The following KCNE3 variants were observed in gnomAD, a reference collection of about 807,000 sequenced individuals.
KCNE3 encodes potassium voltage-gated channel subfamily E member 3.
Under a neutral mutation model 4.3 loss-of-function variants are expected in KCNE3, and 2 were observed. The ratio of observed to expected loss-of-function variants is 0.47; its 90% confidence interval spans 0.19 to 1.48. KCNE3 has a LOEUF of 1.48. Ranked by LOEUF, KCNE3 falls within the 40% of genes most tolerant of loss-of-function variation. The pLI is 0.25. For synonymous variants in KCNE3, 47 were observed against 52.0 expected (o/e 0.90, Z 0.41); for missense variants, 128 against 136.8 (o/e 0.94, Z 0.32).
intron 2 of KCNE3, among the ~76,000 whole-genome samples, 151 bp from the exon 3 acceptor site, chr11:74,457,754 A>G (rs1316062391): frequency 6.6e-6 from 1 of 152,172 alleles, no homozygotes; most frequent in Non-Finnish European, 1.5e-5. Context: ...CATAGCTCCC[A>G]TAATCCCCAT....
At chr11:74,457,657 G>T in intron 2 of KCNE3, 54 bp from the exon 3 acceptor site, 1 of 1,134,392 alleles carries the variant, frequency 8.8e-7, no homozygotes, top group Non-Finnish European at 1.3e-6. Context: ...CAGCTCAAAT[G>T]ACCTCCTCCC....
At position 74,457,329 on chromosome 11, in the gene KCNE3, A is replaced by G. The variant is rs1279454732; in HGVS notation, c.235T>C (p.Tyr79His). ...TTGTCCACTTTGCGGGAGCGGGTGT[A>G]TCCCAGGATGAGGCTGCCCACAGTT... The part of the protein sequence containing the change: ...AVTVGSLILG[Y>H]TRSRKVDKRS... The change falls in exon 3 of 3, where the codon TAC (tyrosine) becomes CAC (histidine). Residue 79 changes from tyrosine (Y) to histidine (H), a missense_variant. By Grantham distance (83) the Tyr-to-His change is moderately conservative. Coordinates refer to ENST00000310128, the MANE Select transcript of KCNE3 (RefSeq NM_005472.5). The G allele has an allele frequency of 6.2e-7, 1 of 1,614,226 alleles. No homozygotes were observed. The highest frequency in any genetic ancestry group is 2.2e-5 in the East Asian group (1 of 44,886).
chr11:74,458,649 T>C (rs1352350200), intron 2 of KCNE3, among the ~76,000 whole-genome samples: 3 of 151,944 alleles, frequency 2.0e-5, no homozygotes, highest in Non-Finnish European at 4.4e-5. Flanking sequence ...GCCTGGCAAA[T>C]GTGGTGAAAC....
chr11:74,455,374 C>T lies in KCNE3; in HGVS notation c.*1878G>A, dbSNP rs1253964508. 6.6e-6 allele frequency: 1 copy of T among 152,196 alleles called. No homozygotes were observed. Among genetic ancestry groups the T allele is most frequent in the Non-Finnish European group, 1.5e-5 (1 of 68,040 alleles). 9.4% of individuals were successfully genotyped at this position (152,196 alleles called of 1,614,324 possible). A position where few individuals can be genotyped will look rare whatever the true frequency, so the allele number is the denominator to read the frequency against. ...TTCTAGCTGAGATCTGGGATAGTTT[C>T]TGAATTCAGAAGTGTTCACCAGCCA... On this transcript the variant is annotated 3_prime_UTR_variant, in exon 3 of 3. Transcript: ENST00000310128.
chr11:74,458,243 C>T (rs1222060762), intron 2 of KCNE3, among the ~76,000 whole-genome samples: 1 of 152,214 alleles, frequency 6.6e-6, no homozygotes, highest in Non-Finnish European at 1.5e-5. Flanking sequence ...ACCATCAGAA[C>T]CCATATTAAT....
intron 2 of KCNE3, 88 bp from the exon 3 acceptor site, chr11:74,457,691 G>T: frequency 1.2e-6 from 1 of 850,594 alleles, no homozygotes; most frequent in Non-Finnish European, 2.0e-6. Flanking sequence ...TAAAATCTTA[G>T]CATCATGGCT....
chr11:74,457,065 C>T lies in KCNE3; in HGVS notation c.*187G>A, dbSNP rs1180998394. The T allele has an allele frequency of 1.1e-5, 7 of 630,944 alleles. No homozygotes were observed. Among genetic ancestry groups the T allele is most frequent in the Admixed American group, 2.7e-5 (1 of 36,634 alleles). 39.1% of individuals were successfully genotyped at this position (630,944 alleles called of 1,614,324 possible). On this transcript the variant is annotated 3_prime_UTR_variant, in exon 3 of 3. Transcript: ENST00000310128. The stretch of plus-strand genomic sequence containing the variant: ...GTCTATCTTTTCCTGGGAAAAAATC[C>T]TTATGCACAAGGCTTCGGTCTACCA...
At chr11:74,458,837 AG>A in intron 2 of KCNE3, among the ~76,000 whole-genome samples, 1 of 151,784 alleles carries the variant, frequency 6.6e-6, no homozygotes, top group African/African-American at 2.4e-5. Context: ...TTGTCTCAAA[AG>A]AAAAAAAAAA....
intron 1 of KCNE3, chr11:74,462,649 C>G (rs41312347): frequency 6.0e-4 from 92 of 152,304 alleles, no homozygotes; most frequent in African/African-American, 2.1e-3. Context: ...TAAAGAACAT[C>G]ATGTAGTGCT....
intron 2 of KCNE3, among the ~76,000 whole-genome samples, chr11:74,459,258 CA>C (rs1157806118): frequency 9.7e-6 from 1 of 103,338 alleles, no homozygotes; most frequent in African/African-American, 3.0e-5. Context: ...ATATAGAAAA[CA>C]TTTTTTTTTT....
Position 74,457,422 on chromosome 11 carries a change from C to T in KCNE3, c.142G>A (p.Ala48Thr). The change falls in exon 3 of 3, where the codon GCC becomes ACC. Residue 48 changes from alanine to threonine, a missense_variant. Coordinates refer to ENST00000310128, the MANE Select transcript of KCNE3 (RefSeq NM_005472.5). ...TTGTCATCACGGCCAGGTAGGCTGG[C>T]CCGCCTCTCTTCAGTCTGGTTGTCT... ...GPDNQTEERR[A>T]SLPGRDDNSY... 1 of 1,613,762 alleles carries T rather than the reference C, an allele frequency of 6.2e-7. No individual in the cohort carries two copies. Among genetic ancestry groups the T allele is most frequent in the Middle Eastern group, 1.7e-4 (1 of 6,060 alleles).
chr11:74,459,259 ATTTTTTT>A (rs35194568), intron 2 of KCNE3, among the ~76,000 whole-genome samples: 2 of 117,572 alleles, frequency 1.7e-5, no homozygotes, highest in African/African-American at 6.4e-5. Context: ...TATAGAAAAC[ATTTTTTT>A]TTTTTTTTTT....
In KCNE3 at chr11:74,456,370, A is replaced by C. The variant is rs1358406162; in HGVS notation, c.*882T>G. The C allele has an allele frequency of 6.6e-6, 1 of 150,462 alleles. No individual in the cohort carries two copies. Among genetic ancestry groups the C allele is most frequent in the African/African-American group, 2.5e-5 (1 of 40,798 alleles). The allele number at this position is 150,462 out of a possible 1,614,324, so 9.3% of individuals were successfully genotyped here. On this transcript the variant is annotated 3_prime_UTR_variant, in exon 3 of 3. Transcript: ENST00000310128. ...AAAGAAAAGAAAAGAAGTTTCTCAC[A>C]TCACTCAGTCAAAACTGAAAAGACT...
intron 2 of KCNE3, among the ~76,000 whole-genome samples, chr11:74,457,887 C>A (rs951545864): frequency 2.6e-5 from 4 of 152,206 alleles, no homozygotes; most frequent in Admixed American, 2.6e-4. Flanking sequence ...AGTTCCCCTG[C>A]ACCTGCTCTC....
At chr11:74,459,503 T>C (rs1024995703) in intron 2 of KCNE3, among the ~76,000 whole-genome samples, 16 of 151,980 alleles carry the variant, frequency 1.1e-4, no homozygotes, top group South Asian at 2.1e-4. Context: ...ACTTTGTGAT[T>C]CGCCCACCTC....
Position 74,457,081 on chromosome 11 carries a change from C to T in KCNE3, c.*171G>A, listed in dbSNP as rs41315541. The T allele has an allele frequency of 2.5e-5, 17 of 674,280 alleles. No individual in the cohort carries two copies. Among genetic ancestry groups the T allele is most frequent in the Non-Finnish European group, 3.7e-5 (14 of 381,720 alleles). 41.8% of individuals were successfully genotyped at this position (674,280 alleles called of 1,614,324 possible). A position where few individuals can be genotyped will look rare whatever the true frequency, so the allele number is the denominator to read the frequency against. The stretch of plus-strand genomic sequence containing the variant: ...GAAAAAATCCTTATGCACAAGGCTT[C>T]GGTCTACCAGCCCCTCTTCTCCCAC... On this transcript the variant is annotated 3_prime_UTR_variant, in exon 3 of 3. Coordinates refer to ENST00000310128, the MANE Select transcript of KCNE3 (RefSeq NM_005472.5).
At chr11:74,465,595 C>T (rs1565463129) in intron 1 of KCNE3, among the ~76,000 whole-genome samples, 1 of 151,992 alleles carries the variant, frequency 6.6e-6, no homozygotes, top group Admixed American at 6.6e-5. Flanking sequence ...ACCCACTGCA[C>T]ACACACACAC....
intron 1 of KCNE3, chr11:74,462,742 C>T (rs1367281867): frequency 6.6e-6 from 1 of 152,234 alleles, no homozygotes; most frequent in Non-Finnish European, 1.5e-5. Context: ...GGCTATATGC[C>T]CTCACTTTAC....
intron 2 of KCNE3, 58 bp from the exon 3 acceptor site, chr11:74,457,661 T>C: frequency 1.8e-6 from 2 of 1,101,866 alleles, no homozygotes; most frequent in Non-Finnish European, 2.8e-6. Flanking sequence ...TCAAATGACC[T>C]CCTCCCTTCA....
Sources: gnomAD v4.1 joint callset for allele counts (sites outside exome capture counted in the v4.1 genomes callset) on GRCh38, gnomAD v4.1.1 for gene constraint, MANE v1.5 for transcripts, NCBI Gene and HGNC (gene_info 2026-07-23, HGNC 2026-07-21) for gene names.